Variants in HERC1 observed in about 807,000 individuals in gnomAD.
The protein encoded by HERC1 is HECT and RLD domain containing E3 ubiquitin protein ligase family member 1.
Under a neutral mutation model 554.3 loss-of-function variants are expected in HERC1, and 160 were observed. The observed-to-expected ratio is 0.29, with a 90% CI of 0.25 to 0.33. The LOEUF (loss-of-function observed/expected upper bound fraction) is 0.33, where lower values mean the gene tolerates loss of function less well. Ranked by LOEUF, HERC1 falls within the 10% of genes least tolerant of loss-of-function variation. The probability of loss-of-function intolerance (pLI) is 1.00; values close to 1 mark genes in which losing one functional copy is unlikely to be tolerated. For synonymous variants in HERC1, 2,175 were observed against 2,131.7 expected (o/e 1.02, Z -0.56); for missense variants, 4,919 against 5,918.5 (o/e 0.83, Z 5.54).
chr15:63,754,359 T>TA, intron 7 of HERC1, 146 bp downstream of exon 7: 1 of 474,296 alleles, frequency 2.1e-6, no homozygotes. Flanking sequence ...ATGGTTAAAG[T>TA]AACATTTGTA....
At chr15:63,735,197 G>A (rs1384328632) in intron 12 of HERC1, among the ~76,000 whole-genome samples, 1 of 152,094 alleles carries the variant, frequency 6.6e-6, no homozygotes, top group African/African-American at 2.4e-5. Context: ...GAAAGACCCT[G>A]AGCAAGAAAG....
chr15:63,628,286 G>C (rs2068393114), intron 70 of HERC1, among the ~76,000 whole-genome samples: 1 of 152,098 alleles, frequency 6.6e-6, no homozygotes, highest in South Asian at 2.1e-4. Flanking sequence ...CAGCTACTTG[G>C]GAGGCTGAGG....
intron 1 of HERC1, among the ~76,000 whole-genome samples, chr15:63,796,767 G>T (rs2076826345): frequency 6.6e-6 from 1 of 152,194 alleles, no homozygotes; most frequent in African/African-American, 2.4e-5. Context: ...TTTCAGATTG[G>T]CAATTGGTTG....
intron 2 of HERC1, among the ~76,000 whole-genome samples, chr15:63,772,824 T>C (rs971912198): frequency 2.0e-5 from 3 of 152,266 alleles, no homozygotes; most frequent in Admixed American, 2.0e-4. Context: ...TTTATTTTTA[T>C]GTAACAGTAA....
At chr15:63,766,136 G>A (rs1387079746) in intron 2 of HERC1, among the ~76,000 whole-genome samples, 1 of 151,528 alleles carries the variant, frequency 6.6e-6, no homozygotes, top group East Asian at 1.9e-4. Context: ...TATTATTAAG[G>A]CTTATTAACT....
rs1363686169 is a variant in HERC1, at chr15:63,672,955, AG to A, written c.7847-262del. Among the ~76,000 whole-genome samples the A allele has an allele frequency of 6.6e-5, 10 of 152,172 alleles. No individual in the cohort carries two copies. The South Asian group carries it at 2.1e-3, about 32-fold the overall frequency. ...TTACACATTTCTGTTTTTAGAGAAG[AG>A]GGTTCTCTTAAAAACAAAAAAAGTC... On this transcript the variant is annotated intron_variant, in intron 38 of 77. Transcript: ENST00000443617.
chr15:63,659,851 T>G lies in HERC1; in HGVS notation c.9309A>C (p.Leu3103Phe). 1 of 1,613,926 alleles carries G rather than the reference T, an allele frequency of 6.2e-7. No individual in the cohort carries two copies. The highest frequency in any genetic ancestry group is 8.5e-7 in the Non-Finnish European group (1 of 1,179,808). Residue 3103 changes from leucine (L) to phenylalanine (F), a missense_variant, in exon 47 of 78, where the codon TTA becomes TTC. Physicochemically the swap from Leu to Phe is conservative, Grantham distance 22 (BLOSUM62 0). Coordinates refer to ENST00000443617, the MANE Select transcript of HERC1 (RefSeq NM_003922.4). Reference protein sequence around the residue: ...EFELLAGPLGLNDRRIVPEPV... With the variant: ...EFELLAGPLGFNDRRIVPEPV... ...GTTCTGGTACAATGCGCCGGTCATT[T>G]AAACCAAGCGGTCCAGCAAGTAATT...
intron 76 of HERC1, among the ~76,000 whole-genome samples, chr15:63,614,217 G>A (rs1253934635): frequency 6.6e-6 from 1 of 152,190 alleles, no homozygotes; most frequent in Non-Finnish European, 1.5e-5. Context: ...CCAACCCTCA[G>A]AAGAAGGGTC....
intron 1 of HERC1, among the ~76,000 whole-genome samples, chr15:63,790,280 T>C (rs2144112222): frequency 6.6e-6 from 1 of 152,286 alleles, no homozygotes; most frequent in Non-Finnish European, 1.5e-5. Context: ...TGGAGATGTA[T>C]GTAAAAGTAC....
At chr15:63,741,401 T>C (rs775848319) in intron 12 of HERC1, among the ~76,000 whole-genome samples, 1 of 151,992 alleles carries the variant, frequency 6.6e-6, no homozygotes, top group African/African-American at 2.4e-5. Flanking sequence ...CTCAGCTCAC[T>C]GCAACCTCCG....
intron 51 of HERC1, among the ~76,000 whole-genome samples, 196 bp from the exon 52 acceptor site, chr15:63,652,737 C>T (rs2069762347): frequency 1.3e-5 from 2 of 152,194 alleles, no homozygotes; most frequent in Admixed American, 6.5e-5. Flanking sequence ...ACTGCAACCT[C>T]CATCTCCCGT....
chr15:63,707,560 G>C lies in HERC1; in HGVS notation c.4585-729C>G, dbSNP rs377162726. On this transcript the variant is annotated intron_variant, in intron 24 of 77. Transcript: ENST00000443617. Reference sequence around the variant, plus strand: ...ATGACTTAAGCTTGTGCATAGACTTGACATTATGGTATCAGCAATTTCAAT... The same window carrying C: ...ATGACTTAAGCTTGTGCATAGACTTCACATTATGGTATCAGCAATTTCAAT... Among the ~76,000 whole-genome samples the C allele has an allele frequency of 5.8e-4, 88 of 152,236 alleles. 1 individual carries two copies. The South Asian group carries it at 0.018, about 31-fold the overall frequency.
intron 1 of HERC1, among the ~76,000 whole-genome samples, chr15:63,786,920 A>ATTTTTTT (rs987704951): frequency 7.5e-6 from 1 of 133,566 alleles, no homozygotes; most frequent in African/African-American, 3.0e-5. Context: ...ATAAATTATT[A>ATTTTTTT]TTTTTTTTTT....
chr15:63,754,477 A>C, intron 7 of HERC1, 28 bp downstream of exon 7: 1 of 1,534,704 alleles, frequency 6.5e-7, no homozygotes, highest in Non-Finnish European at 8.8e-7. Flanking sequence ...AAAAAGCCAA[A>C]GCTACTGATA....
At chr15:63,618,605 T>C (rs2067929475) in intron 74 of HERC1, among the ~76,000 whole-genome samples, 1 of 152,140 alleles carries the variant, frequency 6.6e-6, no homozygotes, top group Non-Finnish European at 1.5e-5. Flanking sequence ...GTATGGCCAT[T>C]TTCACGATAT....
chr15:63,667,766 G>T (rs552664559), intron 40 of HERC1, among the ~76,000 whole-genome samples: 6 of 152,028 alleles, frequency 3.9e-5, no homozygotes, highest in Non-Finnish European at 7.4e-5. Flanking sequence ...AATATAAAAC[G>T]AAGTACAGTT....
chr15:63,756,397 T>C lies in HERC1; in HGVS notation c.1533+40A>G. ...ACGACATTGTCAATTACAACTCCAA[T>C]GCATCTAATTATTTTTATAACCAAA... On this transcript the variant is annotated intron_variant, in intron 5 of 77. Coordinates refer to ENST00000443617, the MANE Select transcript of HERC1 (RefSeq NM_003922.4). The surrounding 1 kb of genome is among the most constrained non-coding windows in gnomAD (Gnocchi z 5.0). 2.7e-6 allele frequency: 4 copies of C among 1,480,392 alleles called. No homozygotes were observed. Among genetic ancestry groups the C allele is most frequent in the South Asian group, 1.2e-5 (1 of 80,004 alleles). 91.7% of individuals were successfully genotyped at this position (1,480,392 alleles called of 1,614,324 possible).
Position 63,807,314 on chromosome 15 carries a change from T to C in HERC1, c.-27+26513A>G, listed in dbSNP as rs112158787. ...GCATTGGGCCATTGAGAGGCACACA[T>C]AGGAGGAAATGGGAGGATGAGAAGT... is the stretch of plus-strand genomic sequence containing the variant. On this transcript the variant is annotated intron_variant, in intron 1 of 77. Coordinates refer to ENST00000443617, the MANE Select transcript of HERC1 (RefSeq NM_003922.4). Among the ~76,000 whole-genome samples the C allele has an allele frequency of 4.1e-4, 63 of 152,238 alleles. No individual in the cohort carries two copies. In the South Asian group the frequency reaches 0.013, roughly 31 times the overall value.
chr15:63,716,354 C>G lies in HERC1; in HGVS notation c.4098G>C (p.Pro1366=), dbSNP rs188001046. Residue 1366 remains proline, a synonymous_variant, in exon 22 of 78, where the codon CCG becomes CCC. Transcript: ENST00000443617. The part of the protein sequence containing the change: ...QAERDREEGH[P]EPEDEEEERE... ...GTTCCTCCTCTTCATCCTCTGGCTC[C>G]GGATGCCCCTCTTCCCGGTCTCTCT... The G allele has an allele frequency of 5.4e-5, 87 of 1,613,854 alleles. No individual in the cohort carries two copies. The East Asian group carries it at 1.9e-3, about 36-fold the overall frequency.
Sources: gnomAD v4.1 joint callset for allele counts (sites outside exome capture counted in the v4.1 genomes callset) on GRCh38, gnomAD v4.1.1 for gene constraint, Gnocchi (gnomAD v3.1) non-coding constraint, MANE v1.5 for transcripts, NCBI Gene and HGNC (gene_info 2026-07-23, HGNC 2026-07-21) for gene names.